KAZN: variants seen among roughly 807,000 people sequenced by gnomAD.
KAZN encodes the protein kazrin.
KAZN carries 40 observed loss-of-function variants against 87.4 expected under a neutral mutation model. The observed-to-expected ratio is 0.46, with a 90% CI of 0.36 to 0.60. The LOEUF (loss-of-function observed/expected upper bound fraction) is 0.60, where lower values mean the gene tolerates loss of function less well. Among genes scored for constraint, KAZN ranks in the 20% least tolerant of loss-of-function variants. The probability of loss-of-function intolerance (pLI) is 0.00; values close to 1 mark genes in which losing one functional copy is unlikely to be tolerated. For missense variants in KAZN, 898 were observed against 1,073.9 expected (o/e 0.84, Z 2.29); for synonymous variants, 466 against 458.3 (o/e 1.02, Z -0.22).
intron 1 of KAZN, among the ~76,000 whole-genome samples, chr1:14,087,824 T>A (rs935748179): frequency 6.6e-6 from 1 of 152,026 alleles, no homozygotes; most frequent in Non-Finnish European, 1.5e-5. Context: ...GTATATTTTT[T>A]AGAATAAATT....
At chr1:14,375,858 G>A (rs6429657) in intron 2 of KAZN, among the ~76,000 whole-genome samples, 147,181 of 152,138 alleles carry the variant, frequency 0.97, 71,237 homozygotes, top group African/African-American at 0.99. Flanking sequence ...ACTGCACTCC[G>A]GCCTGGGCGA....
rs1479203590 is a variant in KAZN at position 14,537,044 on chromosome 1, C to A, written c.250-61939C>A. Among the ~76,000 whole-genome samples the A allele has an allele frequency of 2.0e-5, 3 of 152,210 alleles. 1 individual carries two copies. Among genetic ancestry groups the A allele is most frequent in the Non-Finnish European group, 4.4e-5 (3 of 68,044 alleles). On this transcript the variant is annotated intron_variant, in intron 2 of 16. Transcript: ENST00000636203. ...TGACTTGTTCTGTGTCATAGTCCAG[C>A]ACTAGCGTGGTGTCTTGCATCCAGA...
At position 14,039,062 on chromosome 1, in the gene KAZN, T is replaced by C. The variant is rs188780972; in HGVS notation, c.92-141373T>C. Among the ~76,000 whole-genome samples, 153 of 151,694 alleles carry C rather than the reference T, an allele frequency of 1.0e-3. 1 individual carries two copies. The highest frequency in any genetic ancestry group is 3.4e-3 in the Middle Eastern group (1 of 292). Reference sequence around the variant, plus strand: ...GGTGTGTGCCTGTAATCCCAGCTACTCGGGAGGCTAAGGCAAGAGAATCAC... The same window carrying C: ...GGTGTGTGCCTGTAATCCCAGCTACCCGGGAGGCTAAGGCAAGAGAATCAC... On this transcript the variant is annotated intron_variant, in intron 1 of 16. Transcript: ENST00000636203.
intron 1 of KAZN, among the ~76,000 whole-genome samples, chr1:14,128,301 T>G (rs989305311): frequency 2.7e-5 from 4 of 148,082 alleles, no homozygotes; most frequent in African/African-American, 1.0e-4. Flanking sequence ...AGTGGGGAGA[T>G]CAGCTCAGTG....
At chr1:14,034,129 A>G (rs563795251) in intron 1 of KAZN, among the ~76,000 whole-genome samples, 23 of 152,344 alleles carry the variant, frequency 1.5e-4, no homozygotes, top group Middle Eastern at 3.4e-3. Context: ...TAATAGATAA[A>G]TGTTCCTTTT....
At chr1:14,069,640 A>T (rs1003050833) in intron 1 of KAZN, among the ~76,000 whole-genome samples, 1 of 152,204 alleles carries the variant, frequency 6.6e-6, no homozygotes, top group Non-Finnish European at 1.5e-5. Context: ...TGAAAGCCTC[A>T]TATTTTCAGC....
chr1:14,684,606 G>A (rs998619666), intron 1 of KAZN, among the ~76,000 whole-genome samples: 3 of 152,192 alleles, frequency 2.0e-5, no homozygotes, highest in Non-Finnish European at 4.4e-5. Flanking sequence ...GAGGCTCCAG[G>A]AGAGATGTTT....
chr1:14,790,560 A>C (rs1645643843), intron 1 of KAZN, among the ~76,000 whole-genome samples: 1 of 152,114 alleles, frequency 6.6e-6, no homozygotes, highest in Non-Finnish European at 1.5e-5. Flanking sequence ...GCACCCTAAA[A>C]AGCAAAGGGG....
intron 2 of KAZN, among the ~76,000 whole-genome samples, chr1:14,986,530 A>C (rs1412263343): frequency 6.6e-6 from 1 of 152,200 alleles, no homozygotes; most frequent in Non-Finnish European, 1.5e-5. Context: ...CTTTCCAAGC[A>C]GTTCCGCAGT....
chr1:14,240,627 A>G (rs1403586273), intron 2 of KAZN, among the ~76,000 whole-genome samples: 1 of 152,220 alleles, frequency 6.6e-6, no homozygotes, highest in Non-Finnish European at 1.5e-5. Flanking sequence ...GGACCTGCTT[A>G]TCAGCATCCA....
intron 2 of KAZN, among the ~76,000 whole-genome samples, chr1:14,272,508 A>G (rs1044563768): frequency 7.9e-5 from 12 of 152,220 alleles, no homozygotes; most frequent in African/African-American, 2.4e-4. Context: ...TTTTGCATGC[A>G]TGTTAGTGCA....
intron 1 of KAZN, among the ~76,000 whole-genome samples, chr1:14,062,155 T>C (rs987248662): frequency 2.6e-5 from 4 of 152,078 alleles, no homozygotes; most frequent in Non-Finnish European, 5.9e-5. Context: ...AATAAGAAGA[T>C]GTGCGGCTAA....
chr1:15,029,388 G>A (rs909685068), intron 2 of KAZN, among the ~76,000 whole-genome samples: 4 of 152,316 alleles, frequency 2.6e-5, no homozygotes, highest in Admixed American at 6.5e-5. Context: ...AGGCAGAAGC[G>A]AATAATCTAA....
intron 8 of KAZN, among the ~76,000 whole-genome samples, chr1:15,088,525 C>T (rs984356521): frequency 1.3e-5 from 2 of 152,218 alleles, no homozygotes; most frequent in Non-Finnish European, 2.9e-5. Flanking sequence ...AGGGACTCAG[C>T]CAGCACCCGC....
chr1:14,395,704 C>T (rs192511455), intron 2 of KAZN, among the ~76,000 whole-genome samples: 92 of 152,126 alleles, frequency 6.0e-4, no homozygotes, highest in Non-Finnish European at 1.1e-3. Context: ...AAATGTCAGC[C>T]TCCCAGGGAA....
intron 1 of KAZN, among the ~76,000 whole-genome samples, chr1:14,862,727 A>G (rs187141868): frequency 6.6e-6 from 1 of 152,250 alleles, no homozygotes; most frequent in East Asian, 1.9e-4. Context: ...GTCCCGTGCT[A>G]TGTGCTCATA....
chr1:14,402,187 A>G (rs1201227410), intron 2 of KAZN, among the ~76,000 whole-genome samples: 2 of 151,856 alleles, frequency 1.3e-5, no homozygotes, highest in Non-Finnish European at 2.9e-5. Context: ...CAAAATTTAC[A>G]TTTTAAATAC....
chr1:14,452,884 G>A (rs915827188), intron 2 of KAZN, among the ~76,000 whole-genome samples: 1 of 152,220 alleles, frequency 6.6e-6, no homozygotes, highest in African/African-American at 2.4e-5. Context: ...ACAAGCCACA[G>A]TAATGAGTAA....
At chr1:14,175,883 T>C (rs1335358349) in intron 1 of KAZN, among the ~76,000 whole-genome samples, 1 of 152,160 alleles carries the variant, frequency 6.6e-6, no homozygotes, top group Admixed American at 6.5e-5. Flanking sequence ...GAGGCATAAA[T>C]TGAGCAAAGA....
Sources: gnomAD v4.1 joint callset for allele counts (sites outside exome capture counted in the v4.1 genomes callset) on GRCh38, gnomAD v4.1.1 for gene constraint, MANE v1.5 for transcripts, NCBI Gene and HGNC (gene_info 2026-07-23, HGNC 2026-07-21) for gene names.